EYS: variants seen among roughly 807,000 people sequenced by gnomAD.
EYS encodes the protein protein eyes shut homolog.
EYS carries 250 observed loss-of-function variants against 282.1 expected under a neutral mutation model. The ratio of observed to expected loss-of-function variants is 0.89; its 90% CI spans 0.80 to 0.98. The LOEUF is 0.98. EYS is among the 50% of genes least tolerant of loss of function. The pLI, the probability that EYS is intolerant of heterozygous loss-of-function variation, is 0.00. For synonymous variants in EYS, 1,355 were observed against 1,282.9 expected, an observed-to-expected ratio of 1.06 and a Z score of -1.20; for missense variants, 4,016 against 3,709.0, an observed-to-expected ratio of 1.08 and a Z score of -2.15.
intron 22 of EYS, among the ~76,000 whole-genome samples, chr6:64,640,904 G>C (rs1357955192): frequency 6.6e-6 from 1 of 152,118 alleles, no homozygotes; most frequent in Non-Finnish European, 1.5e-5. Context: ...TCTAAGGTCA[G>C]CTGCCCTATT....
At chr6:65,394,203 TA>T (rs1367179323) in intron 7 of EYS, among the ~76,000 whole-genome samples, 4 of 151,930 alleles carry the variant, frequency 2.6e-5, no homozygotes, top group Non-Finnish European at 5.9e-5. Context: ...TTGCATTCAG[TA>T]AAAATTAGTG....
chr6:64,502,489 T>C (rs985715073), intron 26 of EYS, among the ~76,000 whole-genome samples: 1 of 152,336 alleles, frequency 6.6e-6, no homozygotes, highest in African/African-American at 2.4e-5. Flanking sequence ...CCAAAAGTGC[T>C]GGGATTACAG....
chr6:65,528,694 T>A (rs1767658032), intron 2 of EYS, among the ~76,000 whole-genome samples: 1 of 152,092 alleles, frequency 6.6e-6, no homozygotes, highest in Non-Finnish European at 1.5e-5. Flanking sequence ...AATTACCTAG[T>A]CTCGACTATT....
At chr6:65,194,854 T>C (rs75700206) in intron 12 of EYS, among the ~76,000 whole-genome samples, 1 of 86,018 alleles carries the variant, frequency 1.2e-5, no homozygotes, top group Non-Finnish European at 2.8e-5. Context: ...TTGCCAGTTG[T>C]TTTTTTTTTT....
chr6:63,763,106 G>A (rs6930858), intron 40 of EYS, among the ~76,000 whole-genome samples: 3,909 of 152,138 alleles, frequency 0.026, 80 homozygotes, highest in South Asian at 0.088. Flanking sequence ...CAAGTCAAAC[G>A]TGAGTGAATC....
At chr6:65,115,445 T>G (rs1019596987) in intron 12 of EYS, among the ~76,000 whole-genome samples, 6 of 152,064 alleles carry the variant, frequency 3.9e-5, no homozygotes, top group Non-Finnish European at 8.8e-5. Flanking sequence ...CTTGCTTTAC[T>G]TAATTTCTAC....
intron 22 of EYS, among the ~76,000 whole-genome samples, chr6:64,752,203 A>G (rs1772781813): frequency 6.6e-6 from 1 of 152,162 alleles, no homozygotes; most frequent in East Asian, 1.9e-4. Context: ...GTGATTTAAA[A>G]AAAACTCAGT....
Position 64,425,747 on chromosome 6 carries a change from G to GA in EYS, c.5927+10426dup, listed in dbSNP as rs531037468. On this transcript the variant is annotated intron_variant, in intron 28 of 42. Transcript: ENST00000503581. ...ATAAGTAGATGTAAGACGAAATGTT[G>GA]AAAAGGACTTTCTGAAAAGGCTTGA... is the stretch of plus-strand genomic sequence containing the variant. Among the ~76,000 whole-genome samples, 420 of 150,930 alleles carry GA rather than the reference G, an allele frequency of 2.8e-3. 2 individuals are homozygous for GA. The highest frequency in any genetic ancestry group is 9.5e-3 in the African/African-American group (390 of 41,196).
intron 5 of EYS, among the ~76,000 whole-genome samples, chr6:65,453,840 T>C (rs1764502061): frequency 2.6e-5 from 4 of 152,056 alleles, no homozygotes; most frequent in Admixed American, 2.6e-4. Flanking sequence ...TCATTCATGT[T>C]ACCACAAACA....
chr6:65,101,652 A>C (rs925046060), intron 12 of EYS, among the ~76,000 whole-genome samples: 1 of 151,186 alleles, frequency 6.6e-6, no homozygotes, highest in African/African-American at 2.4e-5. Context: ...TCTAAATTAC[A>C]CTGTCCTGGA....
chr6:64,009,370 G>GC (rs1386111032), intron 33 of EYS, among the ~76,000 whole-genome samples: 2 of 149,648 alleles, frequency 1.3e-5, no homozygotes, highest in Non-Finnish European at 3.0e-5. Context: ...TGCAAGCTCC[G>GC]CCCCCCAGGT....
chr6:65,440,992 A>G (rs961584893), intron 5 of EYS, among the ~76,000 whole-genome samples: 4 of 141,016 alleles, frequency 2.8e-5, no homozygotes, highest in Admixed American at 7.5e-5. Context: ...ATATCTATAT[A>G]TATTAAACTG....
At chr6:63,833,713 A>G (rs997728092) in intron 36 of EYS, among the ~76,000 whole-genome samples, 4 of 152,226 alleles carry the variant, frequency 2.6e-5, no homozygotes, top group African/African-American at 9.6e-5. Flanking sequence ...AAACTACTTT[A>G]AAGTTCATAT....
intron 26 of EYS, among the ~76,000 whole-genome samples, chr6:64,473,801 G>A (rs67165482): frequency 0.26 from 39,136 of 151,944 alleles, 5,554 homozygotes; most frequent in East Asian, 0.36. Flanking sequence ...GTCATCTGTC[G>A]TCAACATGAT....
chr6:65,529,672 C>T (rs1196695568), intron 2 of EYS, among the ~76,000 whole-genome samples: 1 of 152,178 alleles, frequency 6.6e-6, no homozygotes, highest in Non-Finnish European at 1.5e-5. Context: ...CCCAAATTAA[C>T]ATGTTGATAT....
At chr6:65,178,357 G>A (rs540081901) in intron 12 of EYS, among the ~76,000 whole-genome samples, 5 of 151,978 alleles carry the variant, frequency 3.3e-5, no homozygotes, top group South Asian at 4.1e-4. Context: ...CTACCCAGGC[G>A]CCAGCCTCTG....
Position 63,817,426 on chromosome 6 carries a change from C to T in EYS, c.7229-11054G>A, listed in dbSNP as rs182434722. Reference sequence around the variant, plus strand: ...GCTGGGTCCGGTAATGGGGGCTGCTCATCAGGACATGGGACCACGGGTAGC... The same window carrying T: ...GCTGGGTCCGGTAATGGGGGCTGCTTATCAGGACATGGGACCACGGGTAGC... On this transcript the variant is annotated intron_variant, in intron 36 of 42. Transcript: ENST00000503581. Among the ~76,000 whole-genome samples, 4 of 152,274 alleles carry T rather than the reference C, an allele frequency of 2.6e-5. No individual in the cohort carries two copies. In the East Asian group the frequency reaches 7.7e-4, roughly 29 times the overall value.
At chr6:65,620,536 TTG>T (rs1766434374) in intron 2 of EYS, among the ~76,000 whole-genome samples, 3 of 151,456 alleles carry the variant, frequency 2.0e-5, no homozygotes, top group Admixed American at 6.6e-5. Flanking sequence ...GAAGGGTTTT[TTG>T]TGTCTCTATT....
At chr6:64,386,496 A>G (rs1458814856) in intron 29 of EYS, among the ~76,000 whole-genome samples, 1 of 152,034 alleles carries the variant, frequency 6.6e-6, no homozygotes, top group Non-Finnish European at 1.5e-5. Context: ...GGGGAACAGA[A>G]CTACCCTCAT....
Sources: gnomAD v4.1 joint callset for allele counts (sites outside exome capture counted in the v4.1 genomes callset) on GRCh38, gnomAD v4.1.1 for gene constraint, MANE v1.5 for transcripts, NCBI Gene and HGNC (gene_info 2026-07-23, HGNC 2026-07-21) for gene names.